The following PAN3 variants were observed in gnomAD, a reference collection of about 807,000 sequenced individuals.
PAN3 encodes the protein PAN2-PAN3 deadenylation complex subunit PAN3.
PAN3 carries 19 observed loss-of-function variants against 96.2 expected under a neutral mutation model. The observed-to-expected ratio is 0.20, with a 90% CI of 0.14 to 0.29. PAN3 has a LOEUF of 0.29. Among genes scored for constraint, PAN3 ranks in the 10% least tolerant of loss-of-function variants. The pLI is 1.00. For synonymous variants in PAN3, 433 were observed against 406.6 expected (o/e 1.06, Z -0.78); for missense variants, 882 against 1,108.1 (o/e 0.80, Z 2.90).
chr13:28,167,159 C>T (rs1423099842), intron 1 of PAN3, among the ~76,000 whole-genome samples: 2 of 142,972 alleles, frequency 1.4e-5, no homozygotes, highest in Non-Finnish European at 3.0e-5. Context: ...ATCAAAAGGT[C>T]GCTTGATCAT....
intron 6 of PAN3, among the ~76,000 whole-genome samples, chr13:28,237,367 CTA>C (rs1208635978): frequency 6.6e-6 from 1 of 152,102 alleles, no homozygotes; most frequent in African/African-American, 2.4e-5. Context: ...TGGAACCTAA[CTA>C]TATCACTGGA....
chr13:28,292,169 C>T (rs1053124483), intron 18 of PAN3, among the ~76,000 whole-genome samples: 1 of 151,876 alleles, frequency 6.6e-6, no homozygotes, highest in African/African-American at 2.4e-5. Flanking sequence ...AAACGTTAAG[C>T]GTGAAGGGAT....
chr13:28,170,450 A>G (rs1874152761), intron 1 of PAN3, among the ~76,000 whole-genome samples: 1 of 152,234 alleles, frequency 6.6e-6, no homozygotes, highest in South Asian at 2.1e-4. Flanking sequence ...GACATTGACC[A>G]TAGATATTTG....
chr13:28,268,332 T>C lies in PAN3; in HGVS notation c.1792+931T>C, dbSNP rs1389368918. Among the ~76,000 whole-genome samples the C allele has an allele frequency of 2.0e-5, 3 of 152,178 alleles. No homozygotes were observed. The South Asian group carries it at 6.2e-4, about 32-fold the overall frequency. ...TTAATGATTCCTATTATGACTATAT[T>C]GTTCTTTATGTAATTATTTCCCTAA... On this transcript the variant is annotated intron_variant, in intron 12 of 18. Transcript: ENST00000380958.
At chr13:28,198,101 C>G (rs1038962036) in intron 5 of PAN3, among the ~76,000 whole-genome samples, 1 of 151,658 alleles carries the variant, frequency 6.6e-6, no homozygotes, top group African/African-American at 2.4e-5. Context: ...GGTGAAACCC[C>G]GTCTCTACAA....
At chr13:28,158,386 A>G (rs931302808) in intron 1 of PAN3, among the ~76,000 whole-genome samples, 7 of 152,224 alleles carry the variant, frequency 4.6e-5, no homozygotes, top group Admixed American at 1.3e-4. Flanking sequence ...AAAAGAAACT[A>G]TCAATAGAGT....
In PAN3 at chr13:28,280,446, G is replaced by A; in HGVS notation, c.2224G>A (p.Val742Ile). Residue 742 changes from valine to isoleucine, a missense_variant, in exon 16 of 19, where the codon GTA (valine) becomes ATA (isoleucine). Val to Ile is a conservative substitution (Grantham distance 29). This residue lies in a region of PAN3 where 364 missense variants were observed against 513.6 expected (regional missense o/e 0.71). Coordinates refer to ENST00000380958, the MANE Select transcript of PAN3 (RefSeq NM_175854.8). ...LLTDQNRMRS[V>I]NDIMPMIGAR... ...GACTGACCAAAACAGGATGCGAAGT[G>A]TAAATGACATCATGCCCATGATTGG... 2.5e-6 allele frequency: 4 copies of A among 1,611,068 alleles called. No homozygotes were observed. The highest frequency in any genetic ancestry group is 3.4e-6 in the Non-Finnish European group (4 of 1,178,108).
At chr13:28,139,285 G>C (rs1869275855) in intron 1 of PAN3, among the ~76,000 whole-genome samples, 198 bp downstream of exon 1, 1 of 149,740 alleles carries the variant, frequency 6.7e-6, no homozygotes, top group Non-Finnish European at 1.5e-5. Context: ...CGGCAAGTCG[G>C]AGAGCGCGGG....
In PAN3 at chr13:28,220,336, C is replaced by T. The variant is rs1468127178; in HGVS notation, c.958C>T (p.His320Tyr). The change falls in exon 6 of 19, where the codon CAC becomes TAC. Residue 320 changes from histidine to tyrosine, a missense_variant. His to Tyr is a moderately conservative substitution (Grantham distance 83, BLOSUM62 2). Transcript: ENST00000380958. The part of the protein sequence containing the change: ...NMSAFSQVFS[H>Y]PSMGSPATAG... ...GTCTGCCTTCTCTCAAGTTTTCTCTCACCCATCCATGGGAAGCCCTGCTAC... is the reference window on the plus strand; with the variant it reads ...GTCTGCCTTCTCTCAAGTTTTCTCTTACCCATCCATGGGAAGCCCTGCTAC... The T allele has an allele frequency of 6.2e-7, 1 of 1,613,832 alleles. No homozygotes were observed. Among genetic ancestry groups the T allele is most frequent in the Non-Finnish European group, 8.5e-7 (1 of 1,179,784 alleles).
At chr13:28,283,022 A>G (rs570170854) in intron 17 of PAN3, among the ~76,000 whole-genome samples, 3 of 151,888 alleles carry the variant, frequency 2.0e-5, no homozygotes, top group Non-Finnish European at 4.4e-5. Flanking sequence ...GTGAATGCAT[A>G]CTAAATTCTA....
chr13:28,145,908 A>AGG (rs140500462), intron 1 of PAN3, among the ~76,000 whole-genome samples: 14,195 of 151,718 alleles, frequency 0.094, 818 homozygotes, highest in African/African-American at 0.17. Context: ...CTAGGATTAC[A>AGG]GGCTTGCGCC....
chr13:28,238,537 A>G (rs1394694752), intron 6 of PAN3, among the ~76,000 whole-genome samples: 2 of 152,238 alleles, frequency 1.3e-5, no homozygotes, highest in Non-Finnish European at 1.5e-5. Context: ...TATGGCTGAG[A>G]ATCAAGATTT....
At chr13:28,247,750 A>G (rs1355254945) in intron 6 of PAN3, among the ~76,000 whole-genome samples, 3 of 152,106 alleles carry the variant, frequency 2.0e-5, no homozygotes, top group Non-Finnish European at 4.4e-5. Flanking sequence ...ATGTGTATTT[A>G]TTTCAAGTTC....
chr13:28,155,418 G>A (rs1350363030), intron 1 of PAN3, among the ~76,000 whole-genome samples: 3 of 151,728 alleles, frequency 2.0e-5, no homozygotes, highest in Admixed American at 6.6e-5. Context: ...GGTGAAACCC[G>A]TCTCTACCAA....
chr13:28,218,880 C>G (rs1881091210), intron 5 of PAN3, among the ~76,000 whole-genome samples: 1 of 152,156 alleles, frequency 6.6e-6, no homozygotes, highest in African/African-American at 2.4e-5. Flanking sequence ...AAGTCCACGT[C>G]TCTAGGCATT....
At chr13:28,155,107 C>T (rs894025236) in intron 1 of PAN3, among the ~76,000 whole-genome samples, 11 of 151,900 alleles carry the variant, frequency 7.2e-5, no homozygotes, top group East Asian at 1.9e-4. Context: ...TGAGCCACCG[C>T]GCACGGCGAC....
intron 10 of PAN3, 54 bp downstream of exon 10, chr13:28,266,930 T>C: frequency 7.1e-7 from 1 of 1,414,534 alleles, no homozygotes; most frequent in East Asian, 2.4e-5. Context: ...GCTAAGATTA[T>C]TCAAACCTTC....
Position 28,293,391 on chromosome 13 carries a change from T to TTTTTTG in PAN3, c.*874_*875insGTTTTT, listed in dbSNP as rs1566269242. On this transcript the variant is annotated 3_prime_UTR_variant, in exon 19 of 19. Coordinates refer to ENST00000380958, the MANE Select transcript of PAN3 (RefSeq NM_175854.8). Reference sequence around the variant, plus strand: ...TAGGTTCTTTCCAGTTTGCTGGTTTTTTTTTTTTTTTTTTTTTTTTTTTTT... The same window carrying TTTTTTG: ...TAGGTTCTTTCCAGTTTGCTGGTTTTTTTTTGTTTTTTTTTTTTTTTTTTTTTTTTT... 0.01 allele frequency: 285 copies of TTTTTTG among 27,960 alleles called. 6 individuals are homozygous for TTTTTTG. The highest frequency in any genetic ancestry group is 0.02 in the African/African-American group (276 of 13,904). 1.7% of individuals were successfully genotyped at this position (27,960 alleles called of 1,614,324 possible). A position where few individuals can be genotyped will look rare whatever the true frequency, so the allele number is the denominator to read the frequency against.
At chr13:28,152,137 G>A (rs1020557824) in intron 1 of PAN3, among the ~76,000 whole-genome samples, 1 of 152,020 alleles carries the variant, frequency 6.6e-6, no homozygotes, top group African/African-American at 2.4e-5. Context: ...ATATATATTT[G>A]CATACACTAT....
Sources: allele counts gnomAD v4.1 joint callset (sites outside exome capture counted in the v4.1 genomes callset), GRCh38; gene constraint gnomAD v4.1.1; regional missense constraint gnomAD v4.1.1; transcripts MANE v1.5; gene names NCBI Gene and HGNC (gene_info 2026-07-23, HGNC 2026-07-21).